Variants in AK9 observed in about 807,000 individuals in gnomAD.
AK9 encodes adenylate kinase domain containing 1.
A neutral mutation model predicts 239.6 loss-of-function variants in AK9; 191 were observed. The observed-to-expected ratio is 0.80, with a 90% CI of 0.71 to 0.90. The LOEUF (loss-of-function observed/expected upper bound fraction) is 0.90, where lower values mean the gene tolerates loss of function less well. AK9 is among the 40% of genes least tolerant of loss of function. AK9 has a pLI of 0.00. For synonymous variants in AK9, 689 were observed against 721.0 expected (o/e 0.96, Z 0.71); for missense variants, 1,995 against 2,214.7 (o/e 0.90, Z 1.99).
intron 17 of AK9, among the ~76,000 whole-genome samples, chr6:109,596,569 G>A (rs182941827): frequency 3.5e-4 from 53 of 152,312 alleles, no homozygotes; most frequent in Non-Finnish European, 7.2e-4. Flanking sequence ...TGAAGGGAGG[G>A]GTAGCTCAGG....
chr6:109,503,832 G>A lies in AK9; in HGVS notation c.4849+2495C>T, dbSNP rs554784344. Among the ~76,000 whole-genome samples the A allele has an allele frequency of 2.0e-5, 3 of 152,260 alleles. No individual in the cohort carries two copies. The South Asian group carries it at 6.2e-4, about 32-fold the overall frequency. On this transcript the variant is annotated intron_variant, in intron 35 of 40. Coordinates refer to ENST00000424296, the MANE Select transcript of AK9 (RefSeq NM_001145128.3). ...TTACGCAAGTTATACTCCCTCCCGG[G>A]GTGGCCTGCGGTCAATGACAGGCTG...
intron 17 of AK9, among the ~76,000 whole-genome samples, chr6:109,600,867 G>T (rs905704263): frequency 6.6e-6 from 1 of 152,196 alleles, no homozygotes; most frequent in Non-Finnish European, 1.5e-5. Flanking sequence ...TATTTGCGTG[G>T]AGGTGTTTAT....
At chr6:109,538,365 T>C (rs1465973098) in intron 27 of AK9, among the ~76,000 whole-genome samples, 2 of 152,228 alleles carry the variant, frequency 1.3e-5, no homozygotes, top group African/African-American at 4.8e-5. Context: ...TGTAATGGCC[T>C]TCTTTGACTC....
At chr6:109,659,172 T>G in intron 7 of AK9, 56 bp downstream of exon 7, 5 of 1,444,098 alleles carry the variant, frequency 3.5e-6, no homozygotes, top group Non-Finnish European at 4.6e-6. Context: ...TCATTTACCT[T>G]AATTATAGCA....
chr6:109,493,841 G>T, intron 40 of AK9, 140 bp downstream of exon 40: 2 of 703,292 alleles, frequency 2.8e-6, no homozygotes, highest in Non-Finnish European at 4.7e-6. Context: ...TAAAATATTT[G>T]CCCTGTATTG....
chr6:109,632,873 A>G, intron 12 of AK9, 50 bp downstream of exon 12: 2 of 1,542,698 alleles, frequency 1.3e-6, no homozygotes, highest in Non-Finnish European at 1.8e-6. Flanking sequence ...ATAGATAGAT[A>G]GATAGATAGA....
rs1777220727 is a variant in AK9, at chr6:109,497,721, T to C, written c.5216+75A>G. ...AACAACAGCGAACTTTTGACCAATATGTTAAGATTATTACATGAACCACTT... is the reference window on the plus strand; with the variant it reads ...AACAACAGCGAACTTTTGACCAATACGTTAAGATTATTACATGAACCACTT... On this transcript the variant is annotated intron_variant, in intron 37 of 40. Transcript: ENST00000424296. The C allele has an allele frequency of 2.0e-6, 3 of 1,519,064 alleles. No homozygotes were observed. In the Admixed American group the frequency reaches 6.1e-5, roughly 31 times the overall value. The allele number at this position is 1,519,064 out of a possible 1,614,324, so 94.1% of individuals were successfully genotyped here. A position where few individuals can be genotyped will look rare whatever the true frequency, so the allele number is the denominator to read the frequency against.
intron 12 of AK9, among the ~76,000 whole-genome samples, chr6:109,630,661 T>A (rs550242405): frequency 6.6e-6 from 1 of 151,922 alleles, no homozygotes; most frequent in Non-Finnish European, 1.5e-5. Flanking sequence ...CTGGACAACA[T>A]AGCAAGACCC....
chr6:109,620,178 G>C lies in AK9; in HGVS notation c.1255-942C>G, dbSNP rs538840350. Among the ~76,000 whole-genome samples, 96 of 152,236 alleles carry C rather than the reference G, an allele frequency of 6.3e-4. 1 individual carries two copies. In the South Asian group the frequency reaches 0.02, roughly 31 times the overall value. On this transcript the variant is annotated intron_variant, in intron 12 of 40. Transcript: ENST00000424296. ...ACTTCTCTTGGGTAAATACCTAGGA[G>C]TGAAATTCCTGGGTCATATGGTAAG...
chr6:109,497,326 T>A lies in AK9; in HGVS notation c.5315+139A>T, dbSNP rs996891049. On this transcript the variant is annotated intron_variant, in intron 38 of 40. Coordinates refer to ENST00000424296, the MANE Select transcript of AK9 (RefSeq NM_001145128.3). The stretch of plus-strand genomic sequence containing the variant: ...TGGGATGGCAGGGACCAGTGCTTGT[T>A]CACACACACACACACACACACACAC... 3.6e-5 allele frequency: 15 copies of A among 421,720 alleles called. 1 individual carries two copies. Among genetic ancestry groups the A allele is most frequent in the South Asian group, 2.3e-4 (9 of 39,428 alleles). The allele number at this position is 421,720 out of a possible 1,614,324, so 26.1% of individuals were successfully genotyped here. A position where few individuals can be genotyped will look rare whatever the true frequency, so the allele number is the denominator to read the frequency against.
chr6:109,660,783 T>C (rs1016511351), intron 6 of AK9, among the ~76,000 whole-genome samples: 1 of 152,090 alleles, frequency 6.6e-6, no homozygotes, highest in African/African-American at 2.4e-5. Context: ...GCAACACTAA[T>C]AGCTGGGCTC....
chr6:109,672,062 G>A, intron 4 of AK9, 47 bp from the exon 5 acceptor site: 2 of 1,608,712 alleles, frequency 1.2e-6, no homozygotes. Flanking sequence ...ATATATCTAT[G>A]ATACAGAGCT....
rs1448879737 is a variant in AK9, at chr6:109,604,744, A to G, written c.1842+5621T>C. The stretch of plus-strand genomic sequence containing the variant: ...GATGCTGTCAGTTTTAAAAAATTTG[A>G]TATTTTTATTAGAACTGTATCAAAT... On this transcript the variant is annotated intron_variant, in intron 17 of 40. Transcript: ENST00000424296. 2.0e-5 allele frequency among the ~76,000 whole-genome samples: 3 copies of G among 152,340 alleles called. No homozygotes were observed. In the East Asian group the frequency reaches 5.8e-4, roughly 29 times the overall value.
At chr6:109,690,610 GTTCT>G (rs1038255212) in intron 1 of AK9, 1 of 152,172 alleles carries the variant, frequency 6.6e-6, no homozygotes, top group Non-Finnish European at 1.5e-5. Flanking sequence ...CGGGGCTGTA[GTTCT>G]TTGTCATTTC....
intron 20 of AK9, among the ~76,000 whole-genome samples, chr6:109,576,808 T>C (rs964992452): frequency 6.6e-6 from 1 of 151,906 alleles, no homozygotes; most frequent in African/African-American, 2.4e-5. Context: ...CAGTATAATG[T>C]TGGCTGTGGG....
At chr6:109,619,406 A>G (rs1017757858) in intron 12 of AK9, among the ~76,000 whole-genome samples, 170 bp from the exon 13 acceptor site, 5 of 152,076 alleles carry the variant, frequency 3.3e-5, no homozygotes, top group African/African-American at 9.7e-5. Context: ...ATTTTTGAGT[A>G]CTTGCTTTAA....
intron 38 of AK9, 37 bp downstream of exon 38, chr6:109,497,428 A>C (rs770285264): frequency 2.2e-6 from 3 of 1,384,102 alleles, no homozygotes; most frequent in Non-Finnish European, 3.1e-6. Flanking sequence ...CATGCAACAC[A>C]GATTTTCAGT....
At chr6:109,599,262 G>T (rs1231424099) in intron 17 of AK9, among the ~76,000 whole-genome samples, 2 of 152,152 alleles carry the variant, frequency 1.3e-5, no homozygotes, top group Non-Finnish European at 2.9e-5. Context: ...TAAGGTGTAA[G>T]GAAGGGATCC....
chr6:109,547,692 C>T (rs185663455), intron 25 of AK9, among the ~76,000 whole-genome samples: 1 of 152,076 alleles, frequency 6.6e-6, no homozygotes, highest in Admixed American at 6.5e-5. Context: ...AAAATAGACA[C>T]ATAGGATTAC....
Sources: allele counts gnomAD v4.1 joint callset (sites outside exome capture counted in the v4.1 genomes callset), GRCh38; gene constraint gnomAD v4.1.1; transcripts MANE v1.5; gene names NCBI Gene and HGNC (gene_info 2026-07-23, HGNC 2026-07-21).